Variants in PCDHA6 observed in about 807,000 individuals in gnomAD.
PCDHA6 encodes protocadherin alpha-6.
In PCDHA6, 55 loss-of-function variants were observed where a neutral mutation model predicts 60.3. The observed-to-expected ratio is 0.91, with a 90% confidence interval of 0.73 to 1.14. The LOEUF (loss-of-function observed/expected upper bound fraction) is 1.14, where lower values mean the gene tolerates loss of function less well. Among genes scored for constraint, PCDHA6 ranks in the 50% most tolerant of loss-of-function variants. The probability of loss-of-function intolerance (pLI) is 0.00; values close to 1 mark genes in which losing one functional copy is unlikely to be tolerated. For missense variants in PCDHA6, 1,327 were observed against 1,256.5 expected (o/e 1.06, Z -0.85); for synonymous variants, 652 against 557.9 (o/e 1.17, Z -2.38).
chr5:140,833,536 G>C (rs188132068), intron 1 of PCDHA6, among the ~76,000 whole-genome samples: 1 of 152,138 alleles, frequency 6.6e-6, no homozygotes, highest in African/African-American at 2.4e-5. Flanking sequence ...ACAAGTGTTC[G>C]AAAGGATAGA....
At chr5:140,935,127 T>C (rs1223390448) in intron 1 of PCDHA6, among the ~76,000 whole-genome samples, 1 of 152,170 alleles carries the variant, frequency 6.6e-6, no homozygotes, top group Non-Finnish European at 1.5e-5. Flanking sequence ...TTATTTTTAG[T>C]GAAAGATGAT....
intron 1 of PCDHA6, chr5:140,854,216 A>T (rs1332746944): frequency 4.7e-6 from 3 of 633,232 alleles, no homozygotes; most frequent in Non-Finnish European, 5.9e-6. Flanking sequence ...TCAATATTGG[A>T]CATCTACATT....
At chr5:140,869,868 T>A (rs782375084) in intron 1 of PCDHA6, 2 of 1,610,492 alleles carry the variant, frequency 1.2e-6, no homozygotes, top group African/African-American at 2.7e-5. Context: ...TGGAAAATGC[T>A]GCTAAAGAAA....
At chr5:140,900,178 T>G (rs972449455) in intron 1 of PCDHA6, among the ~76,000 whole-genome samples, 1 of 152,238 alleles carries the variant, frequency 6.6e-6, no homozygotes, top group East Asian at 1.9e-4. Flanking sequence ...GCCTGGTTTA[T>G]GTCACTTATA....
At chr5:140,848,291 G>A (rs2150408103) in intron 1 of PCDHA6, 336,332 of 624,962 alleles carry the variant, frequency 0.54, 101,055 homozygotes, top group South Asian at 0.62. Context: ...TACACTTTGG[G>A]CCACGTGATG....
intron 1 of PCDHA6, among the ~76,000 whole-genome samples, chr5:140,971,749 CAT>C (rs143190557): frequency 0.047 from 7,111 of 152,104 alleles, 190 homozygotes; most frequent in Non-Finnish European, 0.062. Context: ...ACATATATCT[CAT>C]ATTACTGAAT....
At chr5:140,935,721 A>G (rs2090523952) in intron 1 of PCDHA6, among the ~76,000 whole-genome samples, 1 of 152,196 alleles carries the variant, frequency 6.6e-6, no homozygotes, top group African/African-American at 2.4e-5. Context: ...ATATATTTAG[A>G]GAAGTCTAGT....
intron 1 of PCDHA6, among the ~76,000 whole-genome samples, chr5:140,846,536 T>C (rs1215890170): frequency 1.3e-5 from 2 of 148,200 alleles, no homozygotes; most frequent in Admixed American, 1.4e-4. Context: ...CACCATGCCC[T>C]GCTAATTTTT....
At chr5:140,906,158 C>G (rs1186216636) in intron 1 of PCDHA6, among the ~76,000 whole-genome samples, 1 of 152,140 alleles carries the variant, frequency 6.6e-6, no homozygotes, top group East Asian at 1.9e-4. Context: ...CACAGACACA[C>G]CCAGGAACAA....
rs2150159222 is a variant in PCDHA6, at chr5:140,828,808, T to G, written c.717T>G (p.Ala239=). Residue 239 remains alanine, a synonymous_variant, in exon 1 of 4, where the codon GCT becomes GCG. Coordinates refer to ENST00000529310, the MANE Select transcript of PCDHA6 (RefSeq NM_018909.4). The part of the protein sequence containing the change: ...LVTVLDVNDN[A]PTFEQSEYEV... ...CAGTGCTGGATGTGAATGATAATGC[T>G]CCCACTTTCGAACAGTCTGAATACG... is the stretch of plus-strand genomic sequence containing the variant. 1 of 1,614,144 alleles carries G rather than the reference T, an allele frequency of 6.2e-7. No homozygotes were observed. Among genetic ancestry groups the G allele is most frequent in the East Asian group, 2.2e-5 (1 of 44,882 alleles).
rs371820170 is a variant in PCDHA6, at chr5:140,871,346, C to T, written c.2394+40861C>T. 1.1e-5 allele frequency: 17 copies of T among 1,614,104 alleles called. No homozygotes were observed. Among genetic ancestry groups the T allele is most frequent in the African/African-American group, 4.0e-5 (3 of 74,954 alleles). ...TGCTCCCGCGCGGTGGGGAGCTGGT[C>T]ATACTCGCAGCAGAGGCGGCAGAGG... is the stretch of plus-strand genomic sequence containing the variant. On this transcript the variant is annotated intron_variant, in intron 1 of 3. Transcript: ENST00000529310.
chr5:140,836,612 C>T (rs2150265551), intron 1 of PCDHA6: 9 of 1,613,516 alleles, frequency 5.6e-6, no homozygotes, highest in East Asian at 2.2e-5. Flanking sequence ...TGTGCTCCAG[C>T]GCGGTGGGGA....
chr5:140,857,805 C>G, intron 1 of PCDHA6: 2 of 1,597,714 alleles, frequency 1.3e-6, no homozygotes, highest in Non-Finnish European at 1.7e-6. Flanking sequence ...TCGGTGGTTG[C>G]GGGTCACGTG....
chr5:140,842,333 G>A, intron 1 of PCDHA6: 2 of 1,608,106 alleles, frequency 1.2e-6, no homozygotes, highest in South Asian at 2.2e-5. Flanking sequence ...CACCGTTTTA[G>A]TGAGAATTTT....
At chr5:141,003,543 C>T (rs2098129407) in intron 3 of PCDHA6, among the ~76,000 whole-genome samples, 1 of 152,108 alleles carries the variant, frequency 6.6e-6, no homozygotes, top group Non-Finnish European at 1.5e-5. Context: ...GAACTCCTGG[C>T]TTCAAGTGAT....
intron 1 of PCDHA6, among the ~76,000 whole-genome samples, chr5:140,922,038 T>A (rs1048446579): frequency 6.6e-6 from 1 of 152,088 alleles, no homozygotes. Context: ...AATGTAATTT[T>A]CCCACATACC....
chr5:140,924,901 A>AATAAAAT lies in PCDHA6; in HGVS notation c.2395-54047_2395-54046insTAAAATA, dbSNP rs145282866. On this transcript the variant is annotated intron_variant, in intron 1 of 3. Transcript: ENST00000529310. The stretch of plus-strand genomic sequence containing the variant: ...CAGAGCAAGAACCTGTCTCAAAAAA[A>AATAAAAT]AAAATAAAATAAAATAAAATAAAAT... 2.3e-3 allele frequency among the ~76,000 whole-genome samples: 186 copies of AATAAAAT among 80,480 alleles called. 2 individuals carry two copies. The highest frequency in any genetic ancestry group is 0.012 in the Middle Eastern group (2 of 162). The allele number at this position is 80,480 out of a possible 152,430, so 52.8% of individuals were successfully genotyped here. A position where few individuals can be genotyped will look rare whatever the true frequency, so the allele number is the denominator to read the frequency against.
intron 1 of PCDHA6, chr5:140,883,089 A>G (rs1403331305): frequency 1.1e-5 from 17 of 1,614,038 alleles, no homozygotes; most frequent in Non-Finnish European, 1.4e-5. Context: ...GATGGTACAA[A>G]TGGAGATATA....
intron 1 of PCDHA6, chr5:140,875,217 C>G (rs1554167556): frequency 2.7e-6 from 2 of 734,894 alleles, no homozygotes; most frequent in African/African-American, 3.5e-5. Flanking sequence ...CCGAAAAGAA[C>G]CTCAGGATCT....
Sources: allele counts gnomAD v4.1 joint callset (sites outside exome capture counted in the v4.1 genomes callset), GRCh38; gene constraint gnomAD v4.1.1; transcripts MANE v1.5; gene names NCBI Gene and HGNC (gene_info 2026-07-23, HGNC 2026-07-21).